MACF1: variants seen among roughly 807,000 people sequenced by gnomAD.
MACF1 encodes the protein microtubule-actin cross-linking factor 1.
Under a neutral mutation model 854.8 loss-of-function variants are expected in MACF1, and 193 were observed. The observed-to-expected ratio is 0.23, with a 90% CI of 0.20 to 0.25. MACF1 has a LOEUF of 0.25. Ranked by LOEUF, MACF1 falls within the 10% of genes least tolerant of loss-of-function variation. The pLI, the probability that MACF1 is intolerant of heterozygous loss-of-function variation, is 1.00. For missense variants in MACF1, 7,722 were observed against 8,929.1 expected, an observed-to-expected ratio of 0.86 and a Z score of 5.45; for synonymous variants, 3,185 against 3,226.7, an observed-to-expected ratio of 0.99 and a Z score of 0.44.
rs1009492067 is a variant in MACF1, at chr1:39,249,434, G to A, written c.172-580G>A. On this transcript the variant is annotated intron_variant, in intron 2 of 100. Coordinates refer to ENST00000564288, the MANE Select transcript of MACF1 (RefSeq NM_001394062.1). Reference sequence around the variant, plus strand: ...ATATTAAACATTTAGTACCATGTTTGATATTAACCACACTTTCTCCCAAAG... The same window carrying A: ...ATATTAAACATTTAGTACCATGTTTAATATTAACCACACTTTCTCCCAAAG... Among the ~76,000 whole-genome samples the A allele has an allele frequency of 5.9e-5, 9 of 152,260 alleles. No homozygotes were observed. The East Asian group carries it at 1.3e-3, about 23-fold the overall frequency.
chr1:39,203,764 A>G (rs1220684163), upstream of MACF1, among the ~76,000 whole-genome samples: 2 of 152,148 alleles, frequency 1.3e-5, no homozygotes, highest in Non-Finnish European at 2.9e-5. Context: ...GTGTCGTCGT[A>G]TGTATCAGTA....
At chr1:39,126,803 CA>C (rs1445527583) in intron 2 of MACF1, among the ~76,000 whole-genome samples, 1 of 151,666 alleles carries the variant, frequency 6.6e-6, no homozygotes, top group Non-Finnish European at 1.5e-5. Context: ...AAAAACCACA[CA>C]AAAAACAAAC....
chr1:39,347,186 A>G lies in MACF1; in HGVS notation c.10791A>G (p.Gln3597=). 6.2e-7 allele frequency: 1 copy of G among 1,613,760 alleles called. No homozygotes were observed. Among genetic ancestry groups the G allele is most frequent in the Admixed American group, 1.7e-5 (1 of 59,992 alleles). The change falls in exon 41 of 101, where the codon CAA becomes CAG. Residue 3597 remains glutamine, a synonymous_variant. Transcript: ENST00000564288. ...ATGCCTTGCAGGGCCATCTTCAACA[A>G]ATGGAGCAGGAAGCCCTGGTGAAGG... The part of the protein sequence containing the change: ...QVDALQGHLQ[Q]MEQEALVKTL...
intron 74 of MACF1, among the ~76,000 whole-genome samples, chr1:39,441,588 T>C (rs917090489): frequency 2.6e-5 from 4 of 152,232 alleles, no homozygotes; most frequent in Admixed American, 6.5e-5. Flanking sequence ...CTGGCCTTAC[T>C]GTGAAAGTCA....
chr1:39,166,894 G>A (rs555495579), intron 2 of MACF1, among the ~76,000 whole-genome samples: 8 of 152,324 alleles, frequency 5.3e-5, no homozygotes, highest in East Asian at 3.9e-4. Flanking sequence ...ATATAGCTAA[G>A]CCAGTAAGTA....
intron 1 of MACF1, among the ~76,000 whole-genome samples, chr1:39,218,969 C>T (rs145863291): frequency 0.023 from 3,540 of 152,120 alleles, 50 homozygotes; most frequent in South Asian, 0.035. Flanking sequence ...TTAGTGGAGA[C>T]GGGGTTTCAC....
Position 39,427,483 on chromosome 1 carries a change from C to T in MACF1, c.16345C>T (p.Leu5449=), listed in dbSNP as rs1043758758. The change falls in exon 62 of 101, where the codon CTG becomes TTG. Residue 5449 remains leucine, a synonymous_variant. Transcript: ENST00000564288. ...RQKQLEDILV[L]AKQFHETAEP... ...AAAACAGCTGGAAGACATCCTGGTTCTGGCCAAACAGTTCCATGAGACAGC... is the reference window on the plus strand; with the variant it reads ...AAAACAGCTGGAAGACATCCTGGTTTTGGCCAAACAGTTCCATGAGACAGC... 20 of 1,613,916 alleles carry T rather than the reference C, an allele frequency of 1.2e-5. No individual in the cohort carries two copies. Among genetic ancestry groups the T allele is most frequent in the Non-Finnish European group, 1.7e-5 (20 of 1,179,948 alleles).
chr1:39,396,686 A>C (rs551897307), intron 58 of MACF1, among the ~76,000 whole-genome samples: 5 of 152,210 alleles, frequency 3.3e-5, no homozygotes, highest in African/African-American at 1.2e-4. Context: ...CTAATAAGCT[A>C]TGAGCTTCTA....
chr1:39,395,136 G>A (rs1026912570), intron 58 of MACF1, among the ~76,000 whole-genome samples: 7 of 152,186 alleles, frequency 4.6e-5, no homozygotes, highest in Admixed American at 4.6e-4. Context: ...CAACATTTTG[G>A]ACTGGATAAT....
rs541663235 is a variant in MACF1, at chr1:39,420,862, C to G, written c.15817-1512C>G. On this transcript the variant is annotated intron_variant, in intron 58 of 100. Coordinates refer to ENST00000564288, the MANE Select transcript of MACF1 (RefSeq NM_001394062.1). Reference sequence around the variant, plus strand: ...ATCCCTCTGATAACTGAGAGAAACCCAATTTTTTTTTTTTTTTTTTTGAGA... The same window carrying G: ...ATCCCTCTGATAACTGAGAGAAACCGAATTTTTTTTTTTTTTTTTTTGAGA... Among the ~76,000 whole-genome samples, 4 of 143,240 alleles carry G rather than the reference C, an allele frequency of 2.8e-5. No individual in the cohort carries two copies. In the South Asian group the frequency reaches 8.5e-4, roughly 31 times the overall value. 94.0% of individuals were successfully genotyped at this position (143,240 alleles called of 152,430 possible). A position where few individuals can be genotyped will look rare whatever the true frequency, so the allele number is the denominator to read the frequency against.
chr1:39,172,043 C>G (rs1447327790), intron 2 of MACF1, among the ~76,000 whole-genome samples: 1 of 152,184 alleles, frequency 6.6e-6, no homozygotes, highest in Non-Finnish European at 1.5e-5. Context: ...ACGGTGGAAA[C>G]CTCCCTGAGT....
intron 6 of MACF1, among the ~76,000 whole-genome samples, chr1:39,272,803 AATAGTT>A (rs1645350061): frequency 6.6e-6 from 1 of 152,214 alleles, no homozygotes; most frequent in African/African-American, 2.4e-5. Flanking sequence ...TTTGTCAAGA[AATAGTT>A]AACACAGAAG....
At chr1:39,238,905 G>T (rs1185976178) in intron 2 of MACF1, among the ~76,000 whole-genome samples, 1 of 150,964 alleles carries the variant, frequency 6.6e-6, no homozygotes. Flanking sequence ...ATTTTTTTTT[G>T]CGACTCAAGC....
intron 1 of MACF1, among the ~76,000 whole-genome samples, chr1:39,218,003 G>A (rs999485864): frequency 6.6e-6 from 1 of 151,946 alleles, no homozygotes; most frequent in East Asian, 1.9e-4. Flanking sequence ...CTGACACGGT[G>A]AAACCCTGTC....
intron 40 of MACF1, 89 bp from the exon 41 acceptor site, chr1:39,346,888 C>G (rs1252942609): frequency 1.3e-5 from 11 of 821,574 alleles, no homozygotes; most frequent in Non-Finnish European, 2.0e-5. Context: ...GGAAATTAGC[C>G]TCTCTGATTC....
At chr1:39,251,753 T>C (rs1327325301) in intron 3 of MACF1, 93 bp from the exon 4 acceptor site, 8 of 658,804 alleles carry the variant, frequency 1.2e-5, no homozygotes, top group Non-Finnish European at 1.8e-5. Context: ...TTGTTTTTCC[T>C]TTTTTTTAAG....
In MACF1 at chr1:39,333,622, C is replaced by T; in HGVS notation, c.7034C>T (p.Thr2345Ile). 6.2e-7 allele frequency: 1 copy of T among 1,614,142 alleles called. No homozygotes were observed. The highest frequency in any genetic ancestry group is 8.5e-7 in the Non-Finnish European group (1 of 1,180,022). ...GACTCTCAGACTTGTGAGTCTTTGACAACTGAAGAAGTCATTAATGAAGGT... is the reference window on the plus strand; with the variant it reads ...GACTCTCAGACTTGTGAGTCTTTGATAACTGAAGAAGTCATTAATGAAGGT... Reference protein sequence around the residue: ...FFDSQTCESLTTEEVINEGLM... With the variant: ...FFDSQTCESLITEEVINEGLM... Residue 2345 changes from threonine to isoleucine, a missense_variant, in exon 37 of 101, where the codon ACA (threonine) becomes ATA (isoleucine). Thr to Ile is a moderately conservative substitution (Grantham distance 89). This residue lies in a region of MACF1 where 1,531 missense variants were observed against 1,601.6 expected (regional missense o/e 0.96). Transcript: ENST00000564288.
intron 2 of MACF1, among the ~76,000 whole-genome samples, chr1:39,171,968 T>C (rs1374439257): frequency 6.6e-6 from 1 of 152,238 alleles, no homozygotes; most frequent in Non-Finnish European, 1.5e-5. Flanking sequence ...AATGGCTTCA[T>C]TTAGCCATTC....
At chr1:39,440,111 C>CTTTTCTTTTCTTTTTTTTT (rs1553414036) in intron 72 of MACF1, among the ~76,000 whole-genome samples, 3 of 64,566 alleles carry the variant, frequency 4.6e-5, no homozygotes, top group African/African-American at 2.0e-4. Context: ...CTTTTCTTTT[C>CTTTTCTTTTCTTTTTTTTT]TTTTTTTTTT....
Sources: allele counts gnomAD v4.1 joint callset (sites outside exome capture counted in the v4.1 genomes callset), GRCh38; gene constraint gnomAD v4.1.1; regional missense constraint gnomAD v4.1.1; transcripts MANE v1.5; gene names NCBI Gene and HGNC (gene_info 2026-07-23, HGNC 2026-07-21).